PLCB3: variants seen among roughly 807,000 people sequenced by gnomAD.
The protein encoded by PLCB3 is phospholipase C beta 3.
In PLCB3, 54 loss-of-function variants were observed where a neutral mutation model predicts 152.1. The ratio of observed to expected loss-of-function variants is 0.36; its 90% confidence interval spans 0.29 to 0.45. The LOEUF (loss-of-function observed/expected upper bound fraction) is 0.45. PLCB3 is among the 20% of genes least tolerant of loss of function. The pLI is 1.00. For missense variants in PLCB3, 1,248 were observed against 1,687.5 expected, an observed-to-expected ratio of 0.74 and a Z score of 4.56; for synonymous variants, 717 against 698.7, an observed-to-expected ratio of 1.03 and a Z score of -0.41.
chr11:64,259,320 A>G (rs1414018581), intron 13 of PLCB3, 76 bp downstream of exon 13: 1 of 1,209,580 alleles, frequency 8.3e-7, no homozygotes, highest in Admixed American at 2.9e-5. Context: ...GTGACACTTC[A>G]TCCCAGACCC....
rs996744728 is a variant in PLCB3 at position 64,254,752 on chromosome 11, T to C, written c.182T>C (p.Val61Ala). ...FLYWTGPNME[V>A]DTLDISSIRD... ...CTGGCATCTGGTTCCCCCCAGGAGG[T>C]GGACACACTGGACATCAGTTCCATC... is the stretch of plus-strand genomic sequence containing the variant. The change falls in exon 3 of 31, where the codon GTG becomes GCG. Residue 61 changes from valine (V) to alanine (A), a missense_variant. Transcript: ENST00000279230. The C allele has an allele frequency of 6.2e-7, 1 of 1,612,658 alleles. No individual in the cohort carries two copies.
Position 64,255,299 on chromosome 11 carries a change from C to T in PLCB3, c.453C>T (p.Thr151=). The change falls in exon 5 of 31, where the codon ACC becomes ACT. Residue 151 remains threonine, a synonymous_variant. Transcript: ENST00000279230. This position sits in a 1 kb window ranked among gnomAD's most constrained non-coding sequence, Gnocchi z 6.8. ...TGGCTCAGAACGCCTCCCGGAACAC[C>T]TTCCTGCGCAAAGCGTGAGCCCCAG... is the stretch of plus-strand genomic sequence containing the variant. ...NILAQNASRN[T]FLRKAYTKLK... 6.2e-7 allele frequency: 1 copy of T among 1,613,978 alleles called. No homozygotes were observed. Among genetic ancestry groups the T allele is most frequent in the Non-Finnish European group, 8.5e-7 (1 of 1,179,996 alleles).
rs759550537 is a variant in PLCB3 at position 64,262,452 on chromosome 11, G to A, written c.2084G>A (p.Arg695His). The A allele has an allele frequency of 5.6e-6, 9 of 1,613,850 alleles. No homozygotes were observed. The highest frequency in any genetic ancestry group is 3.3e-4 in the Middle Eastern group (2 of 6,060). ...LNAGVFEYNG[R>H]SGYLLKPEFM... ...GCGGGCGTTTTTGAGTACAACGGGC[G>A]CAGCGGGTACCTGCTCAAGCCGGAG... The change falls in exon 18 of 31, where the codon CGC becomes CAC. Residue 695 changes from arginine to histidine, a missense_variant. By Grantham distance (29) the Arg-to-His change is conservative. This residue lies in a region of PLCB3 where 244 missense variants were observed against 424.4 expected (regional missense o/e 0.57). Transcript: ENST00000279230.
In PLCB3 at chr11:64,258,747, C is replaced by G. The variant is rs2244621; in HGVS notation, c.1253+34C>G. 6.8e-6 allele frequency: 11 copies of G among 1,610,312 alleles called. No homozygotes were observed. The highest frequency in any genetic ancestry group is 9.3e-6 in the Non-Finnish European group (11 of 1,177,682). On this transcript the variant is annotated intron_variant, in intron 11 of 30. Transcript: ENST00000279230. This position sits in a 1 kb window ranked among gnomAD's most constrained non-coding sequence, Gnocchi z 7.2. The stretch of plus-strand genomic sequence containing the variant: ...GCCCCTGGCATGAAACCCCATGGAC[C>G]GGGGGACAGTCTTCCAGCTTCAGTG...
At chr11:64,261,835 C>G in intron 16 of PLCB3, 117 bp from the exon 17 acceptor site, 1 of 1,512,340 alleles carries the variant, frequency 6.6e-7, no homozygotes, top group Non-Finnish European at 9.1e-7. Context: ...GGGGGCATGG[C>G]TAGGCTAAGA....
rs1401022292 is a variant in PLCB3, at chr11:64,254,903, C to T, written c.252C>T (p.Pro84=). The change falls in exon 4 of 31, where the codon CCC becomes CCT. Residue 84 remains proline, a synonymous_variant. Transcript: ENST00000279230. ...CTTCGCTGTCACCTACTCAGGACCCCAAGATCCGGGAAGTTCTGGGCTTTG... is the reference window on the plus strand; with the variant it reads ...CTTCGCTGTCACCTACTCAGGACCCTAAGATCCGGGAAGTTCTGGGCTTTG... The part of the protein sequence containing the change: ...TGRYARLPKD[P]KIREVLGFGG... 4 of 1,607,350 alleles carry T rather than the reference C, an allele frequency of 2.5e-6. No individual in the cohort carries two copies. The Admixed American group carries it at 5.0e-5, about 20-fold the overall frequency.
intron 19 of PLCB3, chr11:64,263,261 G>A: frequency 3.5e-6 from 2 of 564,988 alleles, no homozygotes; most frequent in Non-Finnish European, 6.3e-6. Flanking sequence ...GGGGGCCCTG[G>A]AGGGGCCTGG....
At chr11:64,256,289 C>T in intron 8 of PLCB3, 87 bp from the exon 9 acceptor site, 1 of 1,285,960 alleles carries the variant, frequency 7.8e-7, no homozygotes, top group East Asian at 2.3e-5. Context: ...GGCAGGCCTT[C>T]TGACTCCCTT....
rs776004312 is a variant in PLCB3 at position 64,267,393 on chromosome 11, C to T, written c.3542C>T (p.Ala1181Val). Residue 1181 changes from alanine (A) to valine (V), a missense_variant, in exon 31 of 31, where the codon GCG becomes GTG. Physicochemically the swap from Ala to Val is moderately conservative, Grantham distance 64. Transcript: ENST00000279230. The surrounding 1 kb of genome is among the most constrained non-coding windows in gnomAD (Gnocchi z 5.2). ...QLAQECQEQR[A>V]RLPQEIRRSL... ...GCCCAGGAGTGTCAGGAGCAGCGGG[C>T]GAGGCTCCCCCAGGAGATCCGCCGG... 1.0e-5 allele frequency: 16 copies of T among 1,541,294 alleles called. No individual in the cohort carries two copies. The East Asian group carries it at 1.5e-4, about 14-fold the overall frequency.
Position 64,267,786 on chromosome 11 carries a change from A to C in PLCB3, c.*230A>C. On this transcript the variant is annotated 3_prime_UTR_variant, in exon 31 of 31. Coordinates refer to ENST00000279230, the MANE Select transcript of PLCB3 (RefSeq NM_000932.5). This position sits in a 1 kb window ranked among gnomAD's most constrained non-coding sequence, Gnocchi z 5.2. ...CAGGGCTTTGCTCCCTGTGACACCC[A>C]CACCCTCGAGCTAGCAGCGTCTCCT... The C allele has an allele frequency of 2.0e-6, 1 of 491,484 alleles. No individual in the cohort carries two copies. The highest frequency in any genetic ancestry group is 3.6e-6 in the Non-Finnish European group (1 of 279,520). 30.4% of individuals were successfully genotyped at this position (491,484 alleles called of 1,614,324 possible). A position where few individuals can be genotyped will look rare whatever the true frequency, so the allele number is the denominator to read the frequency against.
chr11:64,266,679 C>A lies in PLCB3; in HGVS notation c.3414+127C>A. The A allele has an allele frequency of 2.3e-6, 2 of 880,398 alleles. No homozygotes were observed. The highest frequency in any genetic ancestry group is 1.5e-5 in the South Asian group (1 of 68,226). 54.5% of individuals were successfully genotyped at this position (880,398 alleles called of 1,614,324 possible). On this transcript the variant is annotated intron_variant, in intron 29 of 30. Transcript: ENST00000279230. This position sits in a 1 kb window ranked among gnomAD's most constrained non-coding sequence, Gnocchi z 4.9. The stretch of plus-strand genomic sequence containing the variant: ...TCTAGGGCCTTTCTCAAGTGCCCAA[C>A]AGCCCCAGGGTACCCACATCATACC...
At chr11:64,252,637 G>T (rs561836251) in intron 1 of PLCB3, among the ~76,000 whole-genome samples, 4 of 152,316 alleles carry the variant, frequency 2.6e-5, no homozygotes, top group African/African-American at 7.2e-5. Context: ...GGAGCTGGGG[G>T]GAGGAGATGG....
chr11:64,262,282 A>G, intron 17 of PLCB3, 125 bp from the exon 18 acceptor site: 1 of 1,329,724 alleles, frequency 7.5e-7, no homozygotes, highest in South Asian at 1.3e-5. Context: ...CCGGACCCTG[A>G]TGCCATTTGA....
Position 64,260,059 on chromosome 11 carries a change from T to C in PLCB3, c.1556T>C (p.Leu519Pro), listed in dbSNP as rs769237342. Reference sequence around the variant, plus strand: ...CCCAGCTCTGACAGCTGCCCAGGCCTGAGCAATGGGGAGGAGGTAGGGCTT... The same window carrying C: ...CCCAGCTCTGACAGCTGCCCAGGCCCGAGCAATGGGGAGGAGGTAGGGCTT... The part of the protein sequence containing the change: ...GSPSSDSCPG[L>P]SNGEEVGLEK... The change falls in exon 14 of 31, where the codon CTG (leucine) becomes CCG (proline). Residue 519 changes from leucine (L) to proline (P), a missense_variant. Physicochemically the swap from Leu to Pro is moderately conservative, Grantham distance 98. Transcript: ENST00000279230. 1.2e-6 allele frequency: 2 copies of C among 1,611,440 alleles called. No individual in the cohort carries two copies. The highest frequency in any genetic ancestry group is 3.4e-5 in the Admixed American group (2 of 59,220).
rs184027003 is a variant in PLCB3 at position 64,259,023 on chromosome 11, C to T, written c.1339-35C>T. ...CATGGGGGCCAGGGTGCTGCGGACC[C>T]GGTCCAGGGCCCTGACTCGTCCATG... On this transcript the variant is annotated intron_variant, in intron 12 of 30. Transcript: ENST00000279230. 1.4e-4 allele frequency: 233 copies of T among 1,612,110 alleles called. No individual in the cohort carries two copies. In the East Asian group the frequency reaches 4.7e-3, roughly 33 times the overall value.
Position 64,264,082 on chromosome 11 carries a change from G to A in PLCB3, c.2622G>A (p.Arg874=). 6.4e-7 allele frequency: 1 copy of A among 1,554,384 alleles called. No homozygotes were observed. The highest frequency in any genetic ancestry group is 8.7e-7 in the Non-Finnish European group (1 of 1,151,776). ...TCAGCCTGATGGACCAGAGGGCCCG[G>A]CAGCTGGCCGCCCTCATTGGGGAGA... ...KHVSLMDQRA[R]QLAALIGESE... Residue 874 remains arginine, a synonymous_variant, in exon 22 of 31, where the codon CGG becomes CGA. Coordinates refer to ENST00000279230, the MANE Select transcript of PLCB3 (RefSeq NM_000932.5).
At position 64,264,940 on chromosome 11, in the gene PLCB3, T is replaced by G; in HGVS notation, c.2653-11T>G. ...CATTTCTGAAAAGAGCATTCTCCTTTCTCCCTATAGGCTCAGGCTGGCCAA... is the reference window on the plus strand; with the variant it reads ...CATTTCTGAAAAGAGCATTCTCCTTGCTCCCTATAGGCTCAGGCTGGCCAA... On this transcript the variant is annotated splice_polypyrimidine_tract_variant and intron_variant, in intron 22 of 30. Transcript: ENST00000279230. 1 of 1,612,870 alleles carries G rather than the reference T, an allele frequency of 6.2e-7. No individual in the cohort carries two copies. Among genetic ancestry groups the G allele is most frequent in the Non-Finnish European group, 8.5e-7 (1 of 1,179,644 alleles).
At chr11:64,252,573 G>A (rs972930949) in intron 1 of PLCB3, among the ~76,000 whole-genome samples, 1 of 152,208 alleles carries the variant, frequency 6.6e-6, no homozygotes, top group Non-Finnish European at 1.5e-5. Context: ...CAGGCCACGG[G>A]CCTGGAAGAC....
intron 16 of PLCB3, 121 bp from the exon 17 acceptor site, chr11:64,261,831 A>G (rs1383480578): frequency 2.0e-6 from 3 of 1,499,520 alleles, no homozygotes; most frequent in East Asian, 4.5e-5. Context: ...CTCAGGGGGC[A>G]TGGCTAGGCT....
Sources: allele counts gnomAD v4.1 joint callset (sites outside exome capture counted in the v4.1 genomes callset), GRCh38; gene constraint gnomAD v4.1.1; regional missense constraint gnomAD v4.1.1; non-coding constraint Gnocchi (gnomAD v3.1); transcripts MANE v1.5; gene names NCBI Gene and HGNC (gene_info 2026-07-23, HGNC 2026-07-21).